The following PPP1R3A variants were observed in gnomAD, a reference collection of about 807,000 sequenced individuals.
PPP1R3A encodes the protein protein phosphatase 1 regulatory subunit 3A, also known as RG1.
Under a neutral mutation model 41.7 loss-of-function variants are expected in PPP1R3A, and 29 were observed. The observed-to-expected ratio is 0.70, with a 90% CI of 0.52 to 0.95. The LOEUF (loss-of-function observed/expected upper bound fraction) is 0.95. Ranked by LOEUF, PPP1R3A falls within the 40% of genes least tolerant of loss-of-function variation. PPP1R3A has a pLI of 0.00. For synonymous variants in PPP1R3A, 485 were observed against 453.4 expected (o/e 1.07, Z -0.89); for missense variants, 1,352 against 1,292.4 (o/e 1.05, Z -0.71).
rs1797359049 is a variant in PPP1R3A at position 113,917,452 on chromosome 7, C to G, written c.782+763G>C. 2.6e-5 allele frequency among the ~76,000 whole-genome samples: 4 copies of G among 152,024 alleles called. No homozygotes were observed. The South Asian group carries it at 8.3e-4, about 31-fold the overall frequency. ...CAGTTTTTCTTATTTTTCACATTAA[C>G]AAGAGAGTAAGGTTACTAATGAGGG... On this transcript the variant is annotated intron_variant, in intron 1 of 3. Transcript: ENST00000284601.
At chr7:113,890,715 G>C (rs1364584492) in intron 1 of PPP1R3A, among the ~76,000 whole-genome samples, 1 of 151,782 alleles carries the variant, frequency 6.6e-6, no homozygotes, top group East Asian at 1.9e-4. Flanking sequence ...ACATCAATGG[G>C]GTAGAAATTG....
intron 1 of PPP1R3A, among the ~76,000 whole-genome samples, chr7:113,892,932 G>A (rs973824907): frequency 4.6e-5 from 7 of 151,874 alleles, no homozygotes; most frequent in African/African-American, 1.2e-4. Context: ...TTTTTTTGTG[G>A]GCATCACATT....
chr7:113,880,159 C>A, intron 3 of PPP1R3A, 34 bp from the exon 4 acceptor site: 1 of 1,531,972 alleles, frequency 6.5e-7, no homozygotes, highest in South Asian at 1.1e-5. Context: ...AAATAATGAC[C>A]ATAAGATCTT....
intron 3 of PPP1R3A, 135 bp downstream of exon 3, chr7:113,881,904 C>A: frequency 1.0e-6 from 1 of 985,550 alleles, no homozygotes; most frequent in South Asian, 1.4e-5. Flanking sequence ...AAGCTAGAGA[C>A]GCAAGGACAG....
Position 113,877,169 on chromosome 7 carries a change from T to TTA in PPP1R3A, c.*553_*554insTA, listed in dbSNP as rs1796579809. On this transcript the variant is annotated 3_prime_UTR_variant, in exon 4 of 4. Coordinates refer to ENST00000284601, the MANE Select transcript of PPP1R3A (RefSeq NM_002711.4). ...GTATTACACTCAAGTGAACAGAATA[T>TTA]GTTTAAGTTTGCATTTCAATATATA... 2.6e-5 allele frequency: 4 copies of TTA among 152,030 alleles called. No homozygotes were observed. Among genetic ancestry groups the TTA allele is most frequent in the Admixed American group, 2.6e-4 (4 of 15,222 alleles). The allele number at this position is 152,030 out of a possible 1,614,324, so 9.4% of individuals were successfully genotyped here.
chr7:113,877,733 T>C lies in PPP1R3A; in HGVS notation c.3359A>G (p.Lys1120Arg), dbSNP rs933576227. ...ATAGTAGTGCTGAGGTTACTTCTTTTTGACAGACTCTTTTTGTCTACCCTC... is the reference window on the plus strand; with the variant it reads ...ATAGTAGTGCTGAGGTTACTTCTTTCTGACAGACTCTTTTTGTCTACCCTC... ...WEEGRQKESV[K>R]KK The change falls in exon 4 of 4, where the codon AAA becomes AGA. Residue 1120 changes from lysine (K) to arginine (R), a missense_variant. Coordinates refer to ENST00000284601, the MANE Select transcript of PPP1R3A (RefSeq NM_002711.4). 1.4e-5 allele frequency: 22 copies of C among 1,549,152 alleles called. No homozygotes were observed. The highest frequency in any genetic ancestry group is 1.9e-5 in the Non-Finnish European group (22 of 1,152,572).
intron 1 of PPP1R3A, among the ~76,000 whole-genome samples, chr7:113,916,238 G>C (rs1003586560): frequency 3.9e-5 from 6 of 151,982 alleles, no homozygotes; most frequent in African/African-American, 7.2e-5. Context: ...AACTCATTAG[G>C]AAACTTTACA....
At chr7:113,904,752 C>T (rs1376686535) in intron 1 of PPP1R3A, among the ~76,000 whole-genome samples, 1 of 151,346 alleles carries the variant, frequency 6.6e-6, no homozygotes, top group Non-Finnish European at 1.5e-5. Flanking sequence ...AAATTTATTT[C>T]TTCAGGAGTC....
At chr7:113,899,970 T>C (rs983017644) in intron 1 of PPP1R3A, among the ~76,000 whole-genome samples, 4 of 151,752 alleles carry the variant, frequency 2.6e-5, no homozygotes, top group African/African-American at 9.7e-5. Flanking sequence ...TAATGTAAAT[T>C]GTATATGGAT....
rs1796603527 is a variant in PPP1R3A at position 113,878,089 on chromosome 7, CTCT to C, written c.3000_3002del (p.Glu1001del). On this transcript the variant is annotated inframe_deletion, in exon 4 of 4. Coordinates refer to ENST00000284601, the MANE Select transcript of PPP1R3A (RefSeq NM_002711.4). ...GCCCTAGAGATTTTTCCACACTATA[CTCT>C]TCTGTTTGGAAAATCTGGCCTATGC... The C allele has an allele frequency of 1.2e-6, 2 of 1,613,252 alleles. No individual in the cohort carries two copies. Among genetic ancestry groups the C allele is most frequent in the Non-Finnish European group, 1.7e-6 (2 of 1,179,672 alleles).
chr7:113,901,397 T>C (rs532148404), intron 1 of PPP1R3A, among the ~76,000 whole-genome samples: 5 of 151,762 alleles, frequency 3.3e-5, no homozygotes, highest in African/African-American at 1.2e-4. Flanking sequence ...AAAAAGCAGG[T>C]TGTAGTCCAA....
chr7:113,894,619 ATG>A (rs1205083554), intron 1 of PPP1R3A, among the ~76,000 whole-genome samples: 1 of 151,798 alleles, frequency 6.6e-6, no homozygotes, highest in African/African-American at 2.4e-5. Context: ...GTGTATTGTC[ATG>A]TGTGTTTTTT....
intron 1 of PPP1R3A, among the ~76,000 whole-genome samples, chr7:113,896,306 G>A (rs1485195462): frequency 2.0e-5 from 3 of 151,692 alleles, no homozygotes; most frequent in African/African-American, 7.3e-5. Flanking sequence ...TACTGTTATG[G>A]AATCTACCGC....
At chr7:113,882,416 TAA>T (rs1253735103) in intron 1 of PPP1R3A, 96 bp from the exon 2 acceptor site, 18 of 727,348 alleles carry the variant, frequency 2.5e-5, no homozygotes. Flanking sequence ...ACAAGCCAAA[TAA>T]ACATTATATA....
In PPP1R3A at chr7:113,882,161, T is replaced by C. The variant is rs765677416; in HGVS notation, c.844A>G (p.Thr282Ala). The C allele has an allele frequency of 3.7e-6, 6 of 1,611,290 alleles. No individual in the cohort carries two copies. The South Asian group carries it at 6.6e-5, about 18-fold the overall frequency. ...GAACAAATGATTGTTGGGATATAGG[T>C]ATCTGAAAAGTTAATATAATTGTGC... Reference protein sequence around the residue: ...NNFENPKNTDTYIPTIICSHE... With the variant: ...NNFENPKNTDAYIPTIICSHE... Residue 282 changes from threonine (T) to alanine (A), a missense_variant and splice_region_variant, in exon 3 of 4, where the codon ACC becomes GCC. By Grantham distance (58) the Thr-to-Ala change is moderately conservative (BLOSUM62 0). Coordinates refer to ENST00000284601, the MANE Select transcript of PPP1R3A (RefSeq NM_002711.4).
chr7:113,891,336 T>C (rs1796885097), intron 1 of PPP1R3A, among the ~76,000 whole-genome samples: 1 of 152,064 alleles, frequency 6.6e-6, no homozygotes, highest in Non-Finnish European at 1.5e-5. Context: ...AATGGCACAC[T>C]GATCATTAAT....
intron 1 of PPP1R3A, among the ~76,000 whole-genome samples, chr7:113,900,174 T>C (rs983375567): frequency 1.3e-5 from 2 of 151,778 alleles, no homozygotes; most frequent in African/African-American, 4.8e-5. Context: ...TTTACGAAGA[T>C]TTAGACTTGG....
chr7:113,880,178 T>C (rs1562917354), intron 3 of PPP1R3A, 53 bp from the exon 4 acceptor site: 18 of 1,452,722 alleles, frequency 1.2e-5, no homozygotes, highest in Non-Finnish European at 1.6e-5. Flanking sequence ...TTTTAAAATA[T>C]ATAGTGAATT....
chr7:113,885,750 C>T (rs1796774173), intron 1 of PPP1R3A, among the ~76,000 whole-genome samples: 1 of 149,812 alleles, frequency 6.7e-6, no homozygotes, highest in Non-Finnish European at 1.5e-5. Context: ...AGAGGACATT[C>T]TTTTTATTAA....
Sources: allele counts gnomAD v4.1 joint callset (sites outside exome capture counted in the v4.1 genomes callset), GRCh38; gene constraint gnomAD v4.1.1; transcripts MANE v1.5; gene names NCBI Gene and HGNC (gene_info 2026-07-23, HGNC 2026-07-21).